ZBTB20: variants seen among roughly 807,000 people sequenced by gnomAD.
ZBTB20 encodes zinc finger and BTB domain-containing protein 20.
A neutral mutation model predicts 56.9 loss-of-function variants in ZBTB20; 9 were observed. The ratio of observed to expected loss-of-function variants is 0.16; its 90% confidence interval spans 0.10 to 0.28. The LOEUF (loss-of-function observed/expected upper bound fraction) is 0.28. Among genes scored for constraint, ZBTB20 ranks in the 10% least tolerant of loss-of-function variants. The pLI is 1.00. For synonymous variants in ZBTB20, 417 were observed against 420.7 expected (o/e 0.99, Z 0.11); for missense variants, 655 against 1,003.0 (o/e 0.65, Z 4.69).
At chr3:114,534,585 CAG>C (rs1159229105) in intron 6 of ZBTB20, among the ~76,000 whole-genome samples, 1 of 152,100 alleles carries the variant, frequency 6.6e-6, no homozygotes, top group Admixed American at 6.6e-5. Flanking sequence ...ATCAATGAGA[CAG>C]AAAATTAACA....
At chr3:114,929,233 GA>G (rs1211730204) in intron 3 of ZBTB20, among the ~76,000 whole-genome samples, 1 of 152,192 alleles carries the variant, frequency 6.6e-6, no homozygotes, top group African/African-American at 2.4e-5. Context: ...GCTATCCAGG[GA>G]AGAAAAGACT....
chr3:114,667,107 G>A (rs2067803610), intron 6 of ZBTB20, among the ~76,000 whole-genome samples: 1 of 151,956 alleles, frequency 6.6e-6, no homozygotes, highest in Non-Finnish European at 1.5e-5. Context: ...ATCTATGCCT[G>A]AGGTTGCAAT....
intron 5 of ZBTB20, among the ~76,000 whole-genome samples, chr3:114,780,771 C>T (rs112137793): frequency 6.8e-4 from 103 of 152,298 alleles, no homozygotes; most frequent in Admixed American, 1.2e-3. Context: ...CAAGCGTGAG[C>T]CACCACGCCT....
intron 2 of ZBTB20, among the ~76,000 whole-genome samples, chr3:115,062,450 T>G (rs1002242227): frequency 6.6e-6 from 1 of 152,146 alleles, no homozygotes; most frequent in African/African-American, 2.4e-5. Context: ...AGGAGAAATA[T>G]CCCCCCTTTC....
At chr3:114,465,955 G>A (rs1023517102) in intron 7 of ZBTB20, among the ~76,000 whole-genome samples, 1 of 151,974 alleles carries the variant, frequency 6.6e-6, no homozygotes, top group Non-Finnish European at 1.5e-5. Flanking sequence ...GATTTCCTTT[G>A]CGACAATAAT....
At chr3:114,591,210 T>C (rs1285166881) in intron 6 of ZBTB20, among the ~76,000 whole-genome samples, 3 of 152,246 alleles carry the variant, frequency 2.0e-5, no homozygotes, top group Non-Finnish European at 4.4e-5. Flanking sequence ...TATTCAGTAT[T>C]ATCTGAAATC....
chr3:115,025,363 G>A (rs1401195236), intron 2 of ZBTB20, among the ~76,000 whole-genome samples: 1 of 151,210 alleles, frequency 6.6e-6, no homozygotes, highest in Non-Finnish European at 1.5e-5. Context: ...GGGCATTTAG[G>A]TTGAATCCAT....
intron 3 of ZBTB20, chr3:114,930,704 T>A: frequency 4.8e-6 from 1 of 208,290 alleles, no homozygotes; most frequent in Admixed American, 4.9e-5. Context: ...AATGGTTCAA[T>A]GTAAGAAATA....
intron 7 of ZBTB20, among the ~76,000 whole-genome samples, chr3:114,407,955 A>G (rs1044382139): frequency 5.9e-5 from 9 of 152,150 alleles, no homozygotes; most frequent in Admixed American, 5.9e-4. Flanking sequence ...CACACATCTG[A>G]TAAGTTACTG....
intron 6 of ZBTB20, among the ~76,000 whole-genome samples, chr3:114,646,828 T>A (rs1323742246): frequency 6.6e-6 from 1 of 152,188 alleles, no homozygotes; most frequent in Admixed American, 6.5e-5. Flanking sequence ...AATATGCAGA[T>A]TAAGTAGAAG....
At chr3:114,465,112 AT>A (rs1268174975) in intron 7 of ZBTB20, among the ~76,000 whole-genome samples, 1 of 151,166 alleles carries the variant, frequency 6.6e-6, no homozygotes, top group Admixed American at 6.6e-5. Flanking sequence ...CTGTAATATA[AT>A]TAATTATTTC....
chr3:114,995,800 A>T (rs1322066621), intron 2 of ZBTB20, among the ~76,000 whole-genome samples: 1 of 151,846 alleles, frequency 6.6e-6, no homozygotes, highest in African/African-American at 2.4e-5. Flanking sequence ...TTTATTTTGT[A>T]GGATACTAAC....
At chr3:115,146,299 G>A (rs2084969013) in intron 1 of ZBTB20, among the ~76,000 whole-genome samples, 1 of 147,578 alleles carries the variant, frequency 6.8e-6, no homozygotes, top group South Asian at 2.1e-4. Context: ...TTGTGCAAGT[G>A]TGTTTATCAA....
chr3:114,614,266 T>C (rs962061278), intron 6 of ZBTB20, among the ~76,000 whole-genome samples: 4 of 152,214 alleles, frequency 2.6e-5, no homozygotes, highest in African/African-American at 9.7e-5. Flanking sequence ...GTATATTATA[T>C]TGTTTAGACA....
intron 6 of ZBTB20, among the ~76,000 whole-genome samples, chr3:114,598,975 G>T (rs1331995673): frequency 6.6e-6 from 1 of 151,970 alleles, no homozygotes; most frequent in Non-Finnish European, 1.5e-5. Context: ...TTAACGGGGG[G>T]GGACCCAAAA....
At chr3:114,620,710 T>C (rs1325016838) in intron 6 of ZBTB20, among the ~76,000 whole-genome samples, 3 of 152,152 alleles carry the variant, frequency 2.0e-5, no homozygotes, top group Admixed American at 1.3e-4. Flanking sequence ...CTGACACTGG[T>C]TGGGAGAGAA....
intron 6 of ZBTB20, among the ~76,000 whole-genome samples, chr3:114,587,391 CA>C (rs1262292431): frequency 6.6e-6 from 1 of 152,070 alleles, no homozygotes; most frequent in African/African-American, 2.4e-5. Flanking sequence ...AAAGCCGGAA[CA>C]GGTGGAATGT....
chr3:114,572,029 T>C (rs1577659083), intron 6 of ZBTB20, among the ~76,000 whole-genome samples: 1 of 152,208 alleles, frequency 6.6e-6, no homozygotes, highest in Admixed American at 6.5e-5. Flanking sequence ...CTAGGCATGA[T>C]GTTATTTGAC....
chr3:115,044,723 G>A (rs754132880), intron 2 of ZBTB20, among the ~76,000 whole-genome samples: 1 of 152,192 alleles, frequency 6.6e-6, no homozygotes, highest in Non-Finnish European at 1.5e-5. Flanking sequence ...GTAGCATTTT[G>A]TTAAGACTGT....
Sources: allele counts gnomAD v4.1 joint callset (sites outside exome capture counted in the v4.1 genomes callset), GRCh38; gene constraint gnomAD v4.1.1; transcripts MANE v1.5; gene names NCBI Gene and HGNC (gene_info 2026-07-23, HGNC 2026-07-21).